The following NEK10 variants were observed in gnomAD, a reference collection of about 807,000 sequenced individuals.
NEK10 encodes NIMA related kinase 10.
NEK10 carries 122 observed loss-of-function variants against 159.8 expected under a neutral mutation model. The ratio of observed to expected loss-of-function variants is 0.76; its 90% CI spans 0.66 to 0.89. The LOEUF (loss-of-function observed/expected upper bound fraction) is 0.89. NEK10 is among the 40% of genes least tolerant of loss of function. The probability of loss-of-function intolerance (pLI) is 0.00; values close to 1 mark genes in which losing one functional copy is unlikely to be tolerated. For missense variants in NEK10, 1,342 were observed against 1,323.1 expected (o/e 1.01, Z -0.22); for synonymous variants, 466 against 457.1 (o/e 1.02, Z -0.25).
At chr3:27,318,113 C>G (rs975694630) in intron 6 of NEK10, among the ~76,000 whole-genome samples, 3 of 152,254 alleles carry the variant, frequency 2.0e-5, no homozygotes, top group East Asian at 3.9e-4. Flanking sequence ...AAAGTTTATT[C>G]TTTGGTTATG....
intron 23 of NEK10, chr3:27,214,763 C>A (rs962757989): frequency 1.3e-6 from 1 of 785,584 alleles, no homozygotes. Context: ...TTCTCTTGTC[C>A]TCCCACTGGG....
At chr3:27,311,495 C>T (rs532254714) in intron 8 of NEK10, 3 of 158,418 alleles carry the variant, frequency 1.9e-5, no homozygotes, top group Non-Finnish European at 4.1e-5. Flanking sequence ...AATCACTGTG[C>T]TGCTCCACAA....
At chr3:27,121,391 A>G (rs1292643627) in intron 32 of NEK10, among the ~76,000 whole-genome samples, 1 of 152,162 alleles carries the variant, frequency 6.6e-6, no homozygotes, top group Non-Finnish European at 1.5e-5. Context: ...CTGTGTCCTC[A>G]CCCAAATCTC....
At chr3:27,338,627 C>G (rs1014504313) in intron 5 of NEK10, among the ~76,000 whole-genome samples, 3 of 152,170 alleles carry the variant, frequency 2.0e-5, no homozygotes, top group Non-Finnish European at 4.4e-5. Context: ...TTCTAACTGG[C>G]GTGAGATAAT....
chr3:27,223,171 G>A (rs1183807248), intron 23 of NEK10, among the ~76,000 whole-genome samples: 3 of 152,178 alleles, frequency 2.0e-5, no homozygotes, highest in Non-Finnish European at 4.4e-5. Flanking sequence ...GTTTGAAGCT[G>A]GGAGCTGCAT....
At position 27,282,538 on chromosome 3, in the gene NEK10, TTATATATA is replaced by T. The variant is rs10525422; in HGVS notation, c.2014+2056_2014+2063del. 3.6e-4 allele frequency among the ~76,000 whole-genome samples: 15 copies of T among 42,144 alleles called. 1 individual carries two copies. The highest frequency in any genetic ancestry group is 7.4e-4 in the Non-Finnish European group (14 of 18,954). 27.6% of individuals were successfully genotyped at this position (42,144 alleles called of 152,430 possible). ...TCTGTTGTATATATACATAAATGTGTTATATATATATATATATATATACATAACTGTGT... is the reference window on the plus strand; with the variant it reads ...TCTGTTGTATATATACATAAATGTGTTATATATATATATACATAACTGTGT... On this transcript the variant is annotated intron_variant, in intron 22 of 35. Coordinates refer to ENST00000691995, the MANE Select transcript of NEK10 (RefSeq NM_001394966.1).
intron 12 of NEK10, among the ~76,000 whole-genome samples, chr3:27,303,143 T>G (rs1316726175): frequency 6.6e-6 from 1 of 152,132 alleles, no homozygotes; most frequent in Non-Finnish European, 1.5e-5. Flanking sequence ...TAACATAGAA[T>G]AAGAGTTAAA....
chr3:27,168,113 A>G (rs989017784), intron 29 of NEK10, among the ~76,000 whole-genome samples: 1 of 152,090 alleles, frequency 6.6e-6, no homozygotes, highest in African/African-American at 2.4e-5. Context: ...TATATTTTGG[A>G]GGCTGTGGTC....
chr3:27,275,505 A>C (rs1358402201), intron 22 of NEK10, among the ~76,000 whole-genome samples: 1 of 152,194 alleles, frequency 6.6e-6, no homozygotes, highest in Non-Finnish European at 1.5e-5. Context: ...GTGGCTCAAT[A>C]TTCTGTAGTC....
At chr3:27,126,239 G>C (rs1010499854) in intron 32 of NEK10, among the ~76,000 whole-genome samples, 1 of 152,142 alleles carries the variant, frequency 6.6e-6, no homozygotes, top group Non-Finnish European at 1.5e-5. Flanking sequence ...TTGAAACAGA[G>C]ATTAGGAACT....
At chr3:27,170,600 C>T (rs1362367610) in intron 29 of NEK10, among the ~76,000 whole-genome samples, 3 of 152,034 alleles carry the variant, frequency 2.0e-5, no homozygotes, top group Non-Finnish European at 4.4e-5. Context: ...GGTATGGTGG[C>T]AGGTGCCTGT....
At chr3:27,362,395 C>T (rs1418863096) in intron 1 of NEK10, among the ~76,000 whole-genome samples, 1 of 152,056 alleles carries the variant, frequency 6.6e-6, no homozygotes, top group Non-Finnish European at 1.5e-5. Context: ...TGTAAAACAT[C>T]TATATGCAGA....
At chr3:27,118,617 G>A (rs954008590) in intron 33 of NEK10, among the ~76,000 whole-genome samples, 2 of 152,174 alleles carry the variant, frequency 1.3e-5, no homozygotes, top group African/African-American at 4.8e-5. Context: ...CAGCTGCCCT[G>A]GGGGGAGTTT....
At chr3:27,236,968 T>C (rs1019975214) in intron 23 of NEK10, among the ~76,000 whole-genome samples, 2 of 152,100 alleles carry the variant, frequency 1.3e-5, no homozygotes, top group African/African-American at 4.8e-5. Context: ...TCTGTCCTTA[T>C]CTCAACCGCA....
chr3:27,266,320 AT>A (rs2040889197), intron 22 of NEK10, among the ~76,000 whole-genome samples: 1 of 152,160 alleles, frequency 6.6e-6, no homozygotes, highest in South Asian at 2.1e-4. Context: ...TTTAAGTTTC[AT>A]ATAGTGCTAT....
intron 23 of NEK10, chr3:27,255,420 T>C (rs1956077467): frequency 5.0e-6 from 1 of 199,426 alleles, no homozygotes; most frequent in African/African-American, 2.3e-5. Context: ...GGCTGCTATT[T>C]TTAGACAATT....
rs1475775671 is a variant in NEK10, at chr3:27,177,114, C to T, written c.2506-2281G>A. Reference sequence around the variant, plus strand: ...ATAAATCAATAGTCACTTGTAACTGCCAAAATTTCATCCACGGGTAATTGA... The same window carrying T: ...ATAAATCAATAGTCACTTGTAACTGTCAAAATTTCATCCACGGGTAATTGA... On this transcript the variant is annotated intron_variant, in intron 26 of 35. Coordinates refer to ENST00000691995, the MANE Select transcript of NEK10 (RefSeq NM_001394966.1). Among the ~76,000 whole-genome samples the T allele has an allele frequency of 2.0e-5, 3 of 152,118 alleles. No individual in the cohort carries two copies. In the South Asian group the frequency reaches 6.2e-4, roughly 32 times the overall value.
Position 27,119,777 on chromosome 3 carries a change from G to T in NEK10, c.3173C>A (p.Ser1058Tyr), listed in dbSNP as rs769031437. The stretch of plus-strand genomic sequence containing the variant: ...ACTATTACCTGTAGGGTCATTTGGG[G>T]ACAGGCTGTTTCCACCGGATGAACG... ...LHRSSGGNSL[S>Y]PNDPTGLPTS... Residue 1058 changes from serine to tyrosine, a missense_variant, in exon 33 of 36, where the codon TCC becomes TAC. Physicochemically the swap from Ser to Tyr is moderately radical, Grantham distance 144. Coordinates refer to ENST00000691995, the MANE Select transcript of NEK10 (RefSeq NM_001394966.1). The T allele has an allele frequency of 1.2e-6, 2 of 1,613,756 alleles. No homozygotes were observed. Among genetic ancestry groups the T allele is most frequent in the Non-Finnish European group, 1.7e-6 (2 of 1,179,696 alleles).
chr3:27,295,540 C>T (rs1278327655), intron 15 of NEK10, 73 bp downstream of exon 15: 1 of 1,498,928 alleles, frequency 6.7e-7, no homozygotes, highest in African/African-American at 1.4e-5. Context: ...TTCTAAAAAT[C>T]ATAGATCATT....
Sources: gnomAD v4.1 joint callset for allele counts (sites outside exome capture counted in the v4.1 genomes callset) on GRCh38, gnomAD v4.1.1 for gene constraint, MANE v1.5 for transcripts, NCBI Gene and HGNC (gene_info 2026-07-23, HGNC 2026-07-21) for gene names.